Variants in PTPRK observed in about 807,000 individuals in gnomAD.
The protein encoded by PTPRK is protein tyrosine phosphatase receptor type K, also known as receptor-type tyrosine-protein phosphatase kappa.
In PTPRK, 75 loss-of-function variants were observed where a neutral mutation model predicts 178.0. That is an observed-to-expected ratio of 0.42 (90% confidence interval 0.35 to 0.51). The LOEUF (loss-of-function observed/expected upper bound fraction) is 0.51. Among genes scored for constraint, PTPRK ranks in the 20% least tolerant of loss-of-function variants. The probability of loss-of-function intolerance (pLI) is 0.02; values close to 1 mark genes in which losing one functional copy is unlikely to be tolerated. For synonymous variants in PTPRK, 637 were observed against 620.6 expected (o/e 1.03, Z -0.39); for missense variants, 1,441 against 1,797.8 (o/e 0.80, Z 3.59).
At position 127,999,282 on chromosome 6, in the gene PTPRK, C is replaced by T. The variant is rs368142722; in HGVS notation, c.2495-378G>A. Among the ~76,000 whole-genome samples the T allele has an allele frequency of 1.2e-3, 178 of 152,040 alleles. 2 individuals are homozygous for T. In the South Asian group the frequency reaches 0.028, roughly 24 times the overall value. On this transcript the variant is annotated intron_variant, in intron 15 of 29. Transcript: ENST00000368226. ...GAGGTGTTTTCATGGTCTATTAAGTCGACCAAACTCCTTCCCAACCATATC... is the reference window on the plus strand; with the variant it reads ...GAGGTGTTTTCATGGTCTATTAAGTTGACCAAACTCCTTCCCAACCATATC...
chr6:128,044,065 T>G (rs4316027), intron 13 of PTPRK, among the ~76,000 whole-genome samples: 129,902 of 151,630 alleles, frequency 0.86, 55,851 homozygotes, highest in East Asian at 1. Context: ...AATAACAACA[T>G]ATTTTTCTAC....
At chr6:128,232,305 C>T (rs1026385771) in intron 5 of PTPRK, among the ~76,000 whole-genome samples, 5 of 152,340 alleles carry the variant, frequency 3.3e-5, no homozygotes, top group Middle Eastern at 3.4e-3. Context: ...GCGTTGCTCA[C>T]GCTTATCTCT....
chr6:128,054,316 A>G (rs796078106), intron 13 of PTPRK, among the ~76,000 whole-genome samples: 36 of 152,350 alleles, frequency 2.4e-4, no homozygotes, highest in African/African-American at 8.7e-4. Context: ...TTCCTCCATA[A>G]AATTCTTCTC....
chr6:127,989,704 A>T (rs1776384415), intron 21 of PTPRK, among the ~76,000 whole-genome samples: 1 of 152,104 alleles, frequency 6.6e-6, no homozygotes, highest in African/African-American at 2.4e-5. Context: ...AATGAGGATT[A>T]TTCTTTTTTA....
At chr6:128,373,985 T>C (rs1038681547) in intron 2 of PTPRK, among the ~76,000 whole-genome samples, 10 of 152,134 alleles carry the variant, frequency 6.6e-5, no homozygotes, top group African/African-American at 2.4e-4. Flanking sequence ...GTAGCCCCCA[T>C]CCTCTGATTT....
At chr6:128,268,948 C>T (rs930593903) in intron 3 of PTPRK, among the ~76,000 whole-genome samples, 2 of 151,928 alleles carry the variant, frequency 1.3e-5, no homozygotes, top group Non-Finnish European at 2.9e-5. Context: ...AGATACTTTT[C>T]AAGCTTTTTT....
chr6:128,366,021 G>A (rs1835429334), intron 2 of PTPRK, among the ~76,000 whole-genome samples: 1 of 152,068 alleles, frequency 6.6e-6, no homozygotes, highest in South Asian at 2.1e-4. Context: ...TCAGTCACAG[G>A]GAATGAACTA....
chr6:128,285,274 G>A (rs1028413400), intron 3 of PTPRK, among the ~76,000 whole-genome samples: 2 of 152,170 alleles, frequency 1.3e-5, no homozygotes, highest in Non-Finnish European at 2.9e-5. Flanking sequence ...CAGCACTTTG[G>A]GAGGCCAAGG....
chr6:128,231,044 A>G (rs1305548729), intron 5 of PTPRK, among the ~76,000 whole-genome samples: 1 of 152,196 alleles, frequency 6.6e-6, no homozygotes, highest in Non-Finnish European at 1.5e-5. Context: ...AAATCAACCA[A>G]AATGACTTCA....
At chr6:128,434,121 C>T (rs1439049367) in intron 1 of PTPRK, among the ~76,000 whole-genome samples, 1 of 151,966 alleles carries the variant, frequency 6.6e-6, no homozygotes, top group Non-Finnish European at 1.5e-5. Context: ...GATAAAATTA[C>T]TCCTGCAGGA....
In PTPRK at chr6:128,212,907, T is replaced by C. The variant is rs77242776; in HGVS notation, c.868+6015A>G. Among the ~76,000 whole-genome samples the C allele has an allele frequency of 4.6e-3, 693 of 152,116 alleles. 4 individuals carry two copies. Among genetic ancestry groups the C allele is most frequent in the African/African-American group, 0.016 (660 of 41,550 alleles). ...CTTTACTATCCTTATGGAGTAGCTA[T>C]AAGGAAACTCAGAAAAGGAGAAAAT... On this transcript the variant is annotated intron_variant, in intron 6 of 29. Transcript: ENST00000368226.
rs80243257 is a variant in PTPRK, at chr6:128,333,452, G to A, written c.224-11142C>T. On this transcript the variant is annotated intron_variant, in intron 2 of 29. Coordinates refer to ENST00000368226, the MANE Select transcript of PTPRK (RefSeq NM_002844.4). ...ATTAAAGTTATGTTTATACAATACTGTAGTCCATTAAGTGTGCAATAGCAT... is the reference window on the plus strand; with the variant it reads ...ATTAAAGTTATGTTTATACAATACTATAGTCCATTAAGTGTGCAATAGCAT... 2.2e-3 allele frequency among the ~76,000 whole-genome samples: 330 copies of A among 151,918 alleles called. 1 individual carries two copies. Among genetic ancestry groups the A allele is most frequent in the Non-Finnish European group, 3.1e-3 (210 of 67,978 alleles).
intron 3 of PTPRK, among the ~76,000 whole-genome samples, chr6:128,305,562 G>A (rs187250928): frequency 6.6e-6 from 1 of 152,184 alleles, no homozygotes; most frequent in African/African-American, 2.4e-5. Flanking sequence ...AAAACAAATA[G>A]AAATGAAACA....
At chr6:128,334,161 A>G (rs1173788978) in intron 2 of PTPRK, among the ~76,000 whole-genome samples, 2 of 152,208 alleles carry the variant, frequency 1.3e-5, no homozygotes, top group Non-Finnish European at 2.9e-5. Context: ...ACAGATCACC[A>G]TAACAGATAT....
chr6:128,394,780 G>A (rs1840064215), intron 2 of PTPRK, among the ~76,000 whole-genome samples: 1 of 152,118 alleles, frequency 6.6e-6, no homozygotes. Flanking sequence ...ATCTCCTCAT[G>A]AATAGAAACA....
chr6:128,438,976 T>A (rs1403536121), intron 1 of PTPRK, among the ~76,000 whole-genome samples: 1 of 152,140 alleles, frequency 6.6e-6, no homozygotes, highest in Admixed American at 6.6e-5. Flanking sequence ...GTATTCCAAT[T>A]AGAACTCCAA....
At chr6:128,230,026 A>G (rs1812041120) in intron 5 of PTPRK, among the ~76,000 whole-genome samples, 1 of 152,226 alleles carries the variant, frequency 6.6e-6, no homozygotes, top group African/African-American at 2.4e-5. Flanking sequence ...GAATAAATAT[A>G]GGCATTAATC....
Position 128,002,024 on chromosome 6 carries a change from C to T in PTPRK, c.2494+3060G>A, listed in dbSNP as rs117686273. On this transcript the variant is annotated intron_variant, in intron 15 of 29. Transcript: ENST00000368226. ...CACTCCCTGGGGCAAATCCCCAGTTCACTTCCTAACCATTATTGGTGGACA... is the reference window on the plus strand; with the variant it reads ...CACTCCCTGGGGCAAATCCCCAGTTTACTTCCTAACCATTATTGGTGGACA... Among the ~76,000 whole-genome samples the T allele has an allele frequency of 2.3e-3, 349 of 151,958 alleles. 1 individual carries two copies. Among genetic ancestry groups the T allele is most frequent in the Non-Finnish European group, 4.2e-3 (284 of 67,894 alleles).
rs77495799 is a variant in PTPRK, at chr6:128,267,253, T to C, written c.496-24651A>G. On this transcript the variant is annotated intron_variant, in intron 3 of 29. Transcript: ENST00000368226. ...AATGTAACTCATTTTTTCAACCAAT[T>C]TACCAAGAAGAGAAATCACTAGATG... Among the ~76,000 whole-genome samples, 1,509 of 152,170 alleles carry C rather than the reference T, an allele frequency of 9.9e-3. 24 individuals carry two copies. Among genetic ancestry groups the C allele is most frequent in the African/African-American group, 0.033 (1,373 of 41,524 alleles).
Sources: allele counts gnomAD v4.1 joint callset (sites outside exome capture counted in the v4.1 genomes callset), GRCh38; gene constraint gnomAD v4.1.1; transcripts MANE v1.5; gene names NCBI Gene and HGNC (gene_info 2026-07-23, HGNC 2026-07-21).